The following IRAG1 variants were observed in gnomAD, a reference collection of about 807,000 sequenced individuals.
IRAG1 encodes the protein IP3R-associated cGMP kinase substrate.
In IRAG1, 62 loss-of-function variants were observed where a neutral mutation model predicts 106.2. That is an observed-to-expected ratio of 0.58 (90% CI 0.48 to 0.72). The LOEUF (loss-of-function observed/expected upper bound fraction) is 0.72. Among genes scored for constraint, IRAG1 ranks in the 30% least tolerant of loss-of-function variants. IRAG1 has a pLI of 0.00. For synonymous variants in IRAG1, 462 were observed against 443.9 expected (o/e 1.04, Z -0.51); for missense variants, 1,064 against 1,140.7 (o/e 0.93, Z 0.97).
intron 10 of IRAG1, among the ~76,000 whole-genome samples, chr11:10,619,238 G>A (rs151316082): frequency 6.6e-6 from 1 of 152,312 alleles, no homozygotes; most frequent in East Asian, 1.9e-4. Context: ...GCACAGAAAT[G>A]AGCCTCCCAG....
intron 15 of IRAG1, among the ~76,000 whole-genome samples, chr11:10,596,591 C>T (rs1019987780): frequency 3.3e-5 from 5 of 152,132 alleles, no homozygotes; most frequent in Non-Finnish European, 7.4e-5. Context: ...ATTTTCTCTC[C>T]TTGGTTTTCC....
chr11:10,679,957 G>C (rs1157053794), intron 1 of IRAG1, among the ~76,000 whole-genome samples: 1 of 152,096 alleles, frequency 6.6e-6, no homozygotes, highest in African/African-American at 2.4e-5. Flanking sequence ...TTTCCAAGGA[G>C]TATCTCAAAG....
intron 1 of IRAG1, among the ~76,000 whole-genome samples, chr11:10,682,595 A>G (rs1431535464): frequency 6.6e-6 from 1 of 152,178 alleles, no homozygotes; most frequent in Non-Finnish European, 1.5e-5. Flanking sequence ...CTGCCCTCCA[A>G]TGTATTAACA....
chr11:10,687,119 G>A (rs1861714414), intron 1 of IRAG1, among the ~76,000 whole-genome samples: 2 of 152,208 alleles, frequency 1.3e-5, no homozygotes, highest in Non-Finnish European at 2.9e-5. Context: ...GAAAAGGGAG[G>A]AGAGGGGGTG....
intron 2 of IRAG1, among the ~76,000 whole-genome samples, chr11:10,646,826 G>A (rs151310521): frequency 2.5e-4 from 38 of 152,260 alleles, no homozygotes; most frequent in Non-Finnish European, 5.0e-4. Context: ...ATAGCATGGT[G>A]GCCTGTGTTT....
At chr11:10,631,187 C>T (rs1037235150) in intron 4 of IRAG1, among the ~76,000 whole-genome samples, 5 of 152,164 alleles carry the variant, frequency 3.3e-5, no homozygotes, top group Admixed American at 6.5e-5. Context: ...CAAGCCCTGG[C>T]TTTTGTAAAT....
chr11:10,585,650 T>G (rs1202609583), intron 18 of IRAG1, among the ~76,000 whole-genome samples: 2 of 147,334 alleles, frequency 1.4e-5, no homozygotes, highest in Non-Finnish European at 3.0e-5. Context: ...GTGTATGATC[T>G]CGGGACCAGC....
intron 2 of IRAG1, among the ~76,000 whole-genome samples, chr11:10,649,042 C>T (rs767515162): frequency 6.6e-6 from 1 of 152,154 alleles, no homozygotes; most frequent in African/African-American, 2.4e-5. Flanking sequence ...TTGGGACTTC[C>T]AGCCGAGTCA....
intron 5 of IRAG1, among the ~76,000 whole-genome samples, chr11:10,629,031 C>T (rs1358723783): frequency 3.0e-4 from 45 of 152,004 alleles, no homozygotes; most frequent in Non-Finnish European, 1.5e-5. Flanking sequence ...GCCCTCAGGC[C>T]ATTTGGGGGT....
At chr11:10,601,761 T>C (rs1006405138) in intron 14 of IRAG1, among the ~76,000 whole-genome samples, 2 of 152,146 alleles carry the variant, frequency 1.3e-5, no homozygotes, top group Admixed American at 6.5e-5. Context: ...TAGGTAGAGA[T>C]GGGACTCAAG....
At chr11:10,583,384 G>A (rs1851589389) in intron 18 of IRAG1, among the ~76,000 whole-genome samples, 1 of 152,042 alleles carries the variant, frequency 6.6e-6, no homozygotes, top group East Asian at 1.9e-4. Context: ...GGAGCAGGTG[G>A]AGTCTTGGGA....
At chr11:10,631,950 G>T in intron 4 of IRAG1, 41 bp downstream of exon 4, 1 of 1,572,228 alleles carries the variant, frequency 6.4e-7, no homozygotes, top group Non-Finnish European at 8.7e-7. Context: ...TGCCAGACCT[G>T]TCTTTCTACT....
chr11:10,630,657 T>C (rs1366778762), intron 4 of IRAG1, among the ~76,000 whole-genome samples: 3 of 152,360 alleles, frequency 2.0e-5, no homozygotes, highest in South Asian at 4.1e-4. Context: ...GGATTTCTCA[T>C]GCTCCTCAGT....
At chr11:10,606,592 G>C in intron 12 of IRAG1, 150 bp downstream of exon 12, 1 of 756,958 alleles carries the variant, frequency 1.3e-6, no homozygotes, top group Non-Finnish European at 2.0e-6. Context: ...TGGTTCAAGA[G>C]GGCTGGTCAT....
chr11:10,613,318 T>A (rs1186276297), intron 10 of IRAG1, among the ~76,000 whole-genome samples: 2 of 149,692 alleles, frequency 1.3e-5, no homozygotes, highest in Non-Finnish European at 3.0e-5. Context: ...TAAGAGGTGC[T>A]GGAAATCAGC....
At chr11:10,588,483 G>A (rs1333024601) in intron 18 of IRAG1, among the ~76,000 whole-genome samples, 1 of 152,182 alleles carries the variant, frequency 6.6e-6, no homozygotes, top group African/African-American at 2.4e-5. Flanking sequence ...CTGAGTAGCT[G>A]GGACTACAGG....
At position 10,654,382 on chromosome 11, in the gene IRAG1, A is replaced by T. The variant is rs181223868; in HGVS notation, c.68-2200T>A. ...AGAACTAGGGACTTTTAGCCCCAGG[A>T]TTGGTCAAGGTGACCACCATCTTGA... On this transcript the variant is annotated intron_variant, in intron 1 of 20. Transcript: ENST00000423302. Among the ~76,000 whole-genome samples the T allele has an allele frequency of 3.9e-4, 60 of 152,356 alleles. No homozygotes were observed. In the East Asian group the frequency reaches 7.1e-3, roughly 18 times the overall value.
chr11:10,589,002 T>C (rs1371233860), intron 18 of IRAG1: 1 of 152,216 alleles, frequency 6.6e-6, no homozygotes, highest in African/African-American at 2.4e-5. Context: ...TCTCCACCCA[T>C]ATGTTTAAGT....
intron 17 of IRAG1, 100 bp from the exon 18 acceptor site, chr11:10,591,712 TCTC>T: frequency 9.2e-7 from 1 of 1,082,870 alleles, no homozygotes; most frequent in East Asian, 2.6e-5. Context: ...GGCTGCTGCT[TCTC>T]CTCTTTCCTC....
Sources: allele counts gnomAD v4.1 joint callset (sites outside exome capture counted in the v4.1 genomes callset), GRCh38; gene constraint gnomAD v4.1.1; transcripts MANE v1.5; gene names NCBI Gene and HGNC (gene_info 2026-07-23, HGNC 2026-07-21).